The following MDGA2 variants were observed in gnomAD, a reference collection of about 807,000 sequenced individuals.
MDGA2 encodes MAM domain containing glycosylphosphatidylinositol anchor 2.
A neutral mutation model predicts 117.8 loss-of-function variants in MDGA2; 40 were observed. The ratio of observed to expected loss-of-function variants is 0.34; its 90% CI spans 0.26 to 0.44. MDGA2 has a LOEUF of 0.44. Ranked by LOEUF, MDGA2 falls within the 20% of genes least tolerant of loss-of-function variation. The pLI is 1.00. For synonymous variants in MDGA2, 452 were observed against 439.0 expected (o/e 1.03, Z -0.37); for missense variants, 1,123 against 1,250.6 (o/e 0.90, Z 1.54).
chr14:47,507,463 G>A (rs1180126788), intron 1 of MDGA2, among the ~76,000 whole-genome samples: 2 of 152,180 alleles, frequency 1.3e-5, no homozygotes, highest in Non-Finnish European at 2.9e-5. Flanking sequence ...ATTGTAAAGA[G>A]TGTACAAAAC....
chr14:47,130,767 G>T (rs1434870399), intron 5 of MDGA2, among the ~76,000 whole-genome samples: 2 of 152,046 alleles, frequency 1.3e-5, no homozygotes, highest in East Asian at 3.9e-4. Context: ...TCAACAAGGT[G>T]CAAAAGCTAG....
In MDGA2 at chr14:46,920,229, G is replaced by T. The variant is rs1029535547; in HGVS notation, c.2090-69C>A. On this transcript the variant is annotated intron_variant, in intron 9 of 16. Transcript: ENST00000399232. ...TAGTGTAAGCATACTTATTCCCTTT[G>T]GCCCTTTTACCATTTCTACTATATT... 2.8e-6 allele frequency: 4 copies of T among 1,421,558 alleles called. No homozygotes were observed. In the East Asian group the frequency reaches 1.0e-4, roughly 36 times the overall value. The allele number at this position is 1,421,558 out of a possible 1,614,324, so 88.1% of individuals were successfully genotyped here.
rs577768388 is a variant in MDGA2, at chr14:47,503,649, C to T, written c.280+170868G>A. Reference sequence around the variant, plus strand: ...TCTCTCTCTTGACCTCGTGATCTGCCCGCCTCGGCCTCCCAAAGGGCTGAG... The same window carrying T: ...TCTCTCTCTTGACCTCGTGATCTGCTCGCCTCGGCCTCCCAAAGGGCTGAG... On this transcript the variant is annotated intron_variant, in intron 1 of 16. Coordinates refer to ENST00000399232, the MANE Select transcript of MDGA2 (RefSeq NM_001113498.3). Among the ~76,000 whole-genome samples the T allele has an allele frequency of 1.4e-4, 22 of 152,200 alleles. No individual in the cohort carries two copies. In the East Asian group the frequency reaches 2.3e-3, roughly 16 times the overall value.
intron 5 of MDGA2, among the ~76,000 whole-genome samples, chr14:47,119,022 G>A (rs930570071): frequency 6.6e-6 from 1 of 151,228 alleles, no homozygotes; most frequent in East Asian, 1.9e-4. Flanking sequence ...GATTACAGGT[G>A]TGAGCCACCA....
At chr14:47,393,902 T>C (rs2138443831) in intron 1 of MDGA2, among the ~76,000 whole-genome samples, 2 of 152,248 alleles carry the variant, frequency 1.3e-5, no homozygotes, top group Middle Eastern at 6.8e-3. Context: ...ACTATAAATA[T>C]AAACGAACAT....
intron 8 of MDGA2, among the ~76,000 whole-genome samples, chr14:46,969,933 CATATATATATATATATATAT>C (rs1157465830): frequency 2.2e-3 from 34 of 15,298 alleles, no homozygotes; most frequent in South Asian, 0.012. Flanking sequence ...TAAAGTATTC[CATATATATATATATATATAT>C]ATATATATAT....
chr14:47,530,955 A>G (rs1420242902), intron 1 of MDGA2, among the ~76,000 whole-genome samples: 2 of 152,180 alleles, frequency 1.3e-5, no homozygotes, highest in Non-Finnish European at 2.9e-5. Context: ...AATTTTCCGT[A>G]TAAGATTTAA....
intron 1 of MDGA2, among the ~76,000 whole-genome samples, chr14:47,595,540 C>T (rs12586143): frequency 2.5e-5 from 1 of 40,792 alleles, no homozygotes; most frequent in Non-Finnish European, 4.6e-5. Flanking sequence ...CTAAAAAAAC[C>T]AAAAAACAAA....
At chr14:47,535,528 A>G (rs1385427400) in intron 1 of MDGA2, among the ~76,000 whole-genome samples, 1 of 152,236 alleles carries the variant, frequency 6.6e-6, no homozygotes, top group East Asian at 1.9e-4. Context: ...ACTACAGGCC[A>G]GGGTTTAGTC....
At chr14:46,978,832 T>C (rs1886563997) in intron 8 of MDGA2, among the ~76,000 whole-genome samples, 2 of 152,156 alleles carry the variant, frequency 1.3e-5, no homozygotes, top group African/African-American at 4.8e-5. Flanking sequence ...GGTAACTACA[T>C]TTTTCTTAGA....
At chr14:47,635,539 A>G (rs530212935) in intron 1 of MDGA2, among the ~76,000 whole-genome samples, 1 of 152,196 alleles carries the variant, frequency 6.6e-6, no homozygotes, top group Non-Finnish European at 1.5e-5. Flanking sequence ...ACTAACTTCA[A>G]CAGGCTGAAT....
At chr14:47,639,212 T>A (rs1374576706) in intron 1 of MDGA2, among the ~76,000 whole-genome samples, 4 of 152,186 alleles carry the variant, frequency 2.6e-5, no homozygotes, top group African/African-American at 9.6e-5. Context: ...GATATAAATT[T>A]GTTGTCTATT....
At chr14:47,457,489 A>G (rs555864053) in intron 1 of MDGA2, among the ~76,000 whole-genome samples, 1 of 152,286 alleles carries the variant, frequency 6.6e-6, no homozygotes, top group East Asian at 1.9e-4. Context: ...GCCATTCTGA[A>G]ATGGTATAAA....
intron 1 of MDGA2, among the ~76,000 whole-genome samples, chr14:47,637,923 A>G (rs1240642036): frequency 1.3e-5 from 2 of 152,188 alleles, no homozygotes; most frequent in African/African-American, 4.8e-5. Context: ...CTGTTACCCA[A>G]AGAGATGATA....
chr14:47,286,109 A>T (rs1244417803), intron 2 of MDGA2, among the ~76,000 whole-genome samples: 2 of 151,996 alleles, frequency 1.3e-5, no homozygotes, highest in Non-Finnish European at 2.9e-5. Flanking sequence ...TGGATACCTA[A>T]TACTTTTACG....
intron 1 of MDGA2, among the ~76,000 whole-genome samples, chr14:47,533,834 C>T (rs1895151638): frequency 6.6e-6 from 1 of 152,080 alleles, no homozygotes; most frequent in South Asian, 2.1e-4. Context: ...CACAGTAGGT[C>T]CCAAATATCT....
chr14:47,099,311 T>G (rs1880162400), intron 5 of MDGA2, among the ~76,000 whole-genome samples: 1 of 151,956 alleles, frequency 6.6e-6, no homozygotes, highest in African/African-American at 2.4e-5. Flanking sequence ...AAGGCTTTGC[T>G]TAAGAACCAG....
intron 1 of MDGA2, among the ~76,000 whole-genome samples, chr14:47,525,262 T>C (rs1304849947): frequency 1.3e-5 from 2 of 152,196 alleles, no homozygotes; most frequent in African/African-American, 4.8e-5. Flanking sequence ...CATCTCTCAC[T>C]TTTTTATGGT....
At chr14:47,628,499 T>C (rs1897192968) in intron 1 of MDGA2, among the ~76,000 whole-genome samples, 1 of 152,262 alleles carries the variant, frequency 6.6e-6, no homozygotes, top group Admixed American at 6.5e-5. Flanking sequence ...TTGTGATTTC[T>C]ATGTAACTTT....
Sources: gnomAD v4.1 joint callset for allele counts (sites outside exome capture counted in the v4.1 genomes callset) on GRCh38, gnomAD v4.1.1 for gene constraint, MANE v1.5 for transcripts, NCBI Gene and HGNC (gene_info 2026-07-23, HGNC 2026-07-21) for gene names.